The following SRPK2 variants were observed in gnomAD, a reference collection of about 807,000 sequenced individuals.
The protein encoded by SRPK2 is SRSF protein kinase 2, also known as SFRS protein kinase 2.
A neutral mutation model predicts 90.8 loss-of-function variants in SRPK2; 21 were observed. The observed-to-expected ratio is 0.23, with a 90% CI of 0.16 to 0.33. The LOEUF is 0.33. Ranked by LOEUF, SRPK2 falls within the 10% of genes least tolerant of loss-of-function variation. The pLI is 1.00. For synonymous variants in SRPK2, 288 were observed against 311.1 expected (o/e 0.93, Z 0.78); for missense variants, 620 against 869.0 (o/e 0.71, Z 3.60).
chr7:105,388,784 C>T lies in SRPK2; in HGVS notation c.16+7G>A, dbSNP rs200696868. On this transcript the variant is annotated splice_region_variant and intron_variant, in intron 1 of 15. Transcript: ENST00000393651. ...GGCGGGGAGAGGGCGCGCCGCGGGC[C>T]ACTCACCTTTCCGGGAGCTCATTCC... 2,432 of 1,505,086 alleles carry T rather than the reference C, an allele frequency of 1.6e-3. 44 individuals are homozygous for T. The African/African-American group carries it at 0.031, about 19-fold the overall frequency. The allele number at this position is 1,505,086 out of a possible 1,614,324, so 93.2% of individuals were successfully genotyped here.
In SRPK2 at chr7:105,126,256, T is replaced by C. The variant is rs761905610; in HGVS notation, c.1907A>G (p.Asn636Ser). The change falls in exon 15 of 16, where the codon AAT (asparagine) becomes AGT (serine). Residue 636 changes from asparagine (N) to serine (S), a missense_variant. Asn to Ser is a conservative substitution (Grantham distance 46). Around this residue, in one of 8 missense-constraint regions of SRPK2, gnomAD observed 71 missense variants for 123.1 expected, o/e 0.58. Transcript: ENST00000393651. The part of the protein sequence containing the change: ...LSGKYSREFF[N>S]RRGELRHITK... ...AAAAGAAGAGGTACTACCTCTGCGA[T>C]TGAAGAATTCCCGAGAATATTTTCC... 31 of 1,613,068 alleles carry C rather than the reference T, an allele frequency of 1.9e-5. No individual in the cohort carries two copies. Among genetic ancestry groups the C allele is most frequent in the Admixed American group, 3.3e-5 (2 of 60,004 alleles).
rs544965308 is a variant in SRPK2 at position 105,149,442 on chromosome 7, C to T, written c.622-2784G>A. On this transcript the variant is annotated intron_variant, in intron 7 of 15. Coordinates refer to ENST00000393651, the MANE Select transcript of SRPK2 (RefSeq NM_182692.3). The stretch of plus-strand genomic sequence containing the variant: ...CTTCTCCTTATTATCACCCTGCCCT[C>T]CTACTACATTCCTTTTTGCTGAAAT... 1.3e-3 allele frequency among the ~76,000 whole-genome samples: 204 copies of T among 152,246 alleles called. 1 individual carries two copies. The highest frequency in any genetic ancestry group is 4.3e-3 in the South Asian group (21 of 4,828).
intron 2 of SRPK2, among the ~76,000 whole-genome samples, chr7:105,244,482 G>C (rs564162720): frequency 6.6e-6 from 1 of 152,356 alleles, no homozygotes; most frequent in Non-Finnish European, 1.5e-5. Context: ...GCTGAGGCGG[G>C]AGAATCGCTT....
At chr7:105,124,583 G>A (rs1184013488) in intron 15 of SRPK2, among the ~76,000 whole-genome samples, 2 of 140,002 alleles carry the variant, frequency 1.4e-5, no homozygotes, top group Non-Finnish European at 3.0e-5. Flanking sequence ...GGAAGTTGCA[G>A]TGAGCCAAGA....
At chr7:105,258,417 C>CAAAAAAAAAAAAAAAAAAAAGAAAAAAA (rs33941320) in intron 2 of SRPK2, among the ~76,000 whole-genome samples, 1 of 121,614 alleles carries the variant, frequency 8.2e-6, no homozygotes, top group African/African-American at 3.1e-5. Flanking sequence ...AACTCGGTCT[C>CAAAAAAAAAAAAAAAAAAAAGAAAAAAA]AAAAAAAAAA....
At chr7:105,315,027 A>C (rs1353457234) in intron 2 of SRPK2, among the ~76,000 whole-genome samples, 1 of 152,240 alleles carries the variant, frequency 6.6e-6, no homozygotes, top group African/African-American at 2.4e-5. Context: ...CTGGAATCCC[A>C]GCACTCTGGG....
At chr7:105,227,610 T>A (rs1798869406) in intron 2 of SRPK2, among the ~76,000 whole-genome samples, 1 of 152,112 alleles carries the variant, frequency 6.6e-6, no homozygotes, top group South Asian at 2.1e-4. Flanking sequence ...AAATTAAAAA[T>A]CTCTTACACT....
At position 105,311,631 on chromosome 7, in the gene SRPK2, A is replaced by G. The variant is rs185702715; in HGVS notation, c.71+77017T>C. 7.0e-4 allele frequency among the ~76,000 whole-genome samples: 106 copies of G among 152,080 alleles called. 3 individuals are homozygous for G. The East Asian group carries it at 0.019, about 28-fold the overall frequency. On this transcript the variant is annotated intron_variant, in intron 2 of 15. Transcript: ENST00000393651. ...ATCAGTCATTAGGAGAATGCAAATA[A>G]AAACCATGAAATACCACCTCACACC... is the stretch of plus-strand genomic sequence containing the variant.
chr7:105,324,014 TGTG>T (rs1353360102), intron 2 of SRPK2, among the ~76,000 whole-genome samples: 1 of 144,426 alleles, frequency 6.9e-6, no homozygotes, highest in African/African-American at 2.6e-5. Context: ...TGTGTGTGTG[TGTG>T]GTGGAGTCTC....
rs10691783 is a variant in SRPK2 at position 105,176,557 on chromosome 7, A to ATGTGTGTG, written c.230-7300_230-7293dup. On this transcript the variant is annotated intron_variant, in intron 3 of 15. Coordinates refer to ENST00000393651, the MANE Select transcript of SRPK2 (RefSeq NM_182692.3). ...CAGAGATGTATGTGGTTTTGCATAT[A>ATGTGTGTG]TGTGTGTGTGTGTGTGTGTGTGTAT... 3.0e-3 allele frequency among the ~76,000 whole-genome samples: 448 copies of ATGTGTGTG among 148,124 alleles called. 4 individuals are homozygous for ATGTGTGTG. Among genetic ancestry groups the ATGTGTGTG allele is most frequent in the African/African-American group, 0.011 (432 of 39,854 alleles).
intron 2 of SRPK2, among the ~76,000 whole-genome samples, chr7:105,369,082 C>T (rs1642005691): frequency 6.8e-6 from 1 of 147,534 alleles, no homozygotes; most frequent in African/African-American, 2.5e-5. Flanking sequence ...AGTAGAGCCA[C>T]CTTTTCCGCT....
At chr7:105,288,769 G>A (rs189533959) in intron 2 of SRPK2, among the ~76,000 whole-genome samples, 1 of 152,144 alleles carries the variant, frequency 6.6e-6, no homozygotes, top group South Asian at 2.1e-4. Context: ...TCTATAAGTA[G>A]AGCCATCCTC....
At chr7:105,233,374 C>T (rs187699001) in intron 2 of SRPK2, among the ~76,000 whole-genome samples, 1 of 152,208 alleles carries the variant, frequency 6.6e-6, no homozygotes, top group African/African-American at 2.4e-5. Context: ...TTAGTAACAG[C>T]CAAGGGTACT....
At chr7:105,160,139 T>G (rs562671834) in intron 7 of SRPK2, among the ~76,000 whole-genome samples, 2 of 152,174 alleles carry the variant, frequency 1.3e-5, no homozygotes, top group Non-Finnish European at 2.9e-5. Flanking sequence ...CAAGGATACT[T>G]AGTAAATAAA....
intron 2 of SRPK2, among the ~76,000 whole-genome samples, chr7:105,219,027 T>C (rs1430691987): frequency 6.6e-6 from 1 of 151,954 alleles, no homozygotes; most frequent in Non-Finnish European, 1.5e-5. Flanking sequence ...AAATAGATAC[T>C]GACCAGAAAA....
At chr7:105,295,537 T>C (rs1205573477) in intron 2 of SRPK2, among the ~76,000 whole-genome samples, 1 of 152,186 alleles carries the variant, frequency 6.6e-6, no homozygotes, top group African/African-American at 2.4e-5. Context: ...TAAAGTATTG[T>C]TTAACTCTGC....
At chr7:105,333,695 C>T (rs1197197359) in intron 2 of SRPK2, among the ~76,000 whole-genome samples, 2 of 152,112 alleles carry the variant, frequency 1.3e-5, no homozygotes, top group Non-Finnish European at 2.9e-5. Flanking sequence ...GAAGAGAATA[C>T]ACATATACAT....
upstream of SRPK2, chr7:105,389,105 G>T: frequency 1.0e-6 from 1 of 974,902 alleles, no homozygotes; most frequent in Non-Finnish European, 1.2e-6. Flanking sequence ...GGCCGCGCTG[G>T]CCCTCGGCCT....
At chr7:105,194,118 T>C (rs1585127639) in intron 3 of SRPK2, among the ~76,000 whole-genome samples, 1 of 152,194 alleles carries the variant, frequency 6.6e-6, no homozygotes, top group African/African-American at 2.4e-5. Flanking sequence ...AATTTTTTAT[T>C]TTATAGTTAA....
Sources: gnomAD v4.1 joint callset for allele counts (sites outside exome capture counted in the v4.1 genomes callset) on GRCh38, gnomAD v4.1.1 for gene constraint, gnomAD v4.1.1 regional missense constraint, MANE v1.5 for transcripts, NCBI Gene and HGNC (gene_info 2026-07-23, HGNC 2026-07-21) for gene names.